Variants in ZNF474 observed in about 807,000 individuals in gnomAD.
ZNF474 encodes zinc finger protein 474, also known as 4933409D10Rik.
For synonymous variants in ZNF474, 192 were observed against 162.2 expected, an observed-to-expected ratio of 1.18 and a Z score of -1.39; for missense variants, 511 against 433.8, an observed-to-expected ratio of 1.18 and a Z score of -1.58.
intron 1 of ZNF474, among the ~76,000 whole-genome samples, chr5:122,136,344 G>A (rs1374995847): frequency 6.6e-6 from 1 of 152,170 alleles, no homozygotes; most frequent in Non-Finnish European, 1.5e-5. Flanking sequence ...AATTTTGAAA[G>A]TCATTAGCAC....
intron 1 of ZNF474, among the ~76,000 whole-genome samples, chr5:122,135,358 T>C (rs1214139099): frequency 6.6e-6 from 1 of 152,118 alleles, no homozygotes; most frequent in East Asian, 1.9e-4. Flanking sequence ...TCTATATACA[T>C]ATATCAAAAG....
chr5:122,138,797 T>C (rs1014965946), intron 1 of ZNF474, among the ~76,000 whole-genome samples: 1 of 152,178 alleles, frequency 6.6e-6, no homozygotes, highest in African/African-American at 2.4e-5. Context: ...TGTGTGTGTA[T>C]GTGTATGTGT....
chr5:122,140,946 C>T (rs903781601), intron 1 of ZNF474, among the ~76,000 whole-genome samples: 1 of 152,026 alleles, frequency 6.6e-6, no homozygotes, highest in East Asian at 1.9e-4. Flanking sequence ...ACAGCAATAC[C>T]CATGAGCTAC....
At chr5:122,142,514 C>A (rs141956964) in intron 1 of ZNF474, among the ~76,000 whole-genome samples, 1 of 152,228 alleles carries the variant, frequency 6.6e-6, no homozygotes, top group East Asian at 1.9e-4. Flanking sequence ...GAACCATCAC[C>A]ACATTGCATG....
chr5:122,152,617 G>C lies in ZNF474; in HGVS notation c.627G>C (p.Lys209Asn), dbSNP rs886870281. Residue 209 changes from lysine to asparagine, a missense_variant, in exon 2 of 2, where the codon AAG becomes AAC. Coordinates refer to ENST00000296600, the MANE Select transcript of ZNF474 (RefSeq NM_207317.3). ...GTTCTGATCATCTTACTGGCCTCAA[G>C]AAAGCTTGTAGTGGAACCCCAGCCC... ...SNSSDHLTGL[K>N]KACSGTPARP... The C allele has an allele frequency of 9.3e-6, 15 of 1,614,078 alleles. No homozygotes were observed. The highest frequency in any genetic ancestry group is 1.6e-4 in the Middle Eastern group (1 of 6,084).
chr5:122,149,398 C>A (rs1756102394), intron 1 of ZNF474, among the ~76,000 whole-genome samples: 1 of 152,216 alleles, frequency 6.6e-6, no homozygotes, highest in Non-Finnish European at 1.5e-5. Context: ...TCCTCTGTGC[C>A]TTGTCTGCAC....
intron 1 of ZNF474, among the ~76,000 whole-genome samples, chr5:122,145,315 A>T (rs1344645749): frequency 1.3e-5 from 2 of 152,150 alleles, no homozygotes; most frequent in South Asian, 4.1e-4. Context: ...TATTTCTTAA[A>T]CCATACTGCC....
At chr5:122,151,364 G>A (rs540573056) in intron 1 of ZNF474, among the ~76,000 whole-genome samples, 2 of 152,272 alleles carry the variant, frequency 1.3e-5, no homozygotes, top group Admixed American at 6.5e-5. Flanking sequence ...GGAAGTTTCT[G>A]TGGGGCCCAG....
intron 1 of ZNF474, among the ~76,000 whole-genome samples, chr5:122,149,117 G>C (rs903218699): frequency 6.6e-6 from 1 of 152,048 alleles, no homozygotes; most frequent in Non-Finnish European, 1.5e-5. Flanking sequence ...AAGTACACGT[G>C]GGCATAAAGA....
At chr5:122,131,491 A>G (rs1185362971) in intron 1 of ZNF474, among the ~76,000 whole-genome samples, 1 of 152,136 alleles carries the variant, frequency 6.6e-6, no homozygotes, top group East Asian at 1.9e-4. Flanking sequence ...AAAGAAGAAA[A>G]TACTGCTATT....
At chr5:122,142,788 G>A (rs1218205879) in intron 1 of ZNF474, among the ~76,000 whole-genome samples, 3 of 152,284 alleles carry the variant, frequency 2.0e-5, no homozygotes, top group South Asian at 2.1e-4. Flanking sequence ...GAGATGTGGG[G>A]AGAACAGCAA....
At position 122,153,129 on chromosome 5, in the gene ZNF474, C is replaced by G. The variant is rs1756243902; in HGVS notation, c.*44C>G. On this transcript the variant is annotated 3_prime_UTR_variant, in exon 2 of 2. Transcript: ENST00000296600. ...TCCCCAGAATCAGCCACCTCAGCCC[C>G]TAGTATTTTTTCTATCAATGCCTTG... The G allele has an allele frequency of 3.2e-6, 5 of 1,552,372 alleles. No individual in the cohort carries two copies. The highest frequency in any genetic ancestry group is 4.0e-5 in the Admixed American group (2 of 49,826).
chr5:122,149,731 A>C (rs1756113443), intron 1 of ZNF474, among the ~76,000 whole-genome samples: 1 of 152,210 alleles, frequency 6.6e-6, no homozygotes, highest in Non-Finnish European at 1.5e-5. Flanking sequence ...ATTAACTAAA[A>C]TTATGTTTAC....
chr5:122,134,143 G>A (rs948464208), intron 1 of ZNF474, among the ~76,000 whole-genome samples: 3 of 152,142 alleles, frequency 2.0e-5, no homozygotes, highest in African/African-American at 7.2e-5. Flanking sequence ...CAAACACGAA[G>A]AAACAATTTC....
intron 1 of ZNF474, chr5:122,147,915 T>G (rs1756032673): frequency 6.6e-6 from 1 of 152,202 alleles, no homozygotes; most frequent in Non-Finnish European, 1.5e-5. Flanking sequence ...AGGTGATGCC[T>G]TCCAGGACAT....
At chr5:122,134,374 T>C (rs981642797) in intron 1 of ZNF474, among the ~76,000 whole-genome samples, 4 of 152,216 alleles carry the variant, frequency 2.6e-5, no homozygotes, top group Admixed American at 1.3e-4. Flanking sequence ...AGGATTCTGG[T>C]TGCATTGAGT....
Position 122,152,317 on chromosome 5 carries a change from T to G in ZNF474, c.327T>G (p.Ile109Met). Residue 109 changes from isoleucine (I) to methionine (M), a missense_variant, in exon 2 of 2, where the codon ATT becomes ATG. Coordinates refer to ENST00000296600, the MANE Select transcript of ZNF474 (RefSeq NM_207317.3). The stretch of plus-strand genomic sequence containing the variant: ...GCCGAGAATTTGGGTCCCAGTCAAT[T>G]GCCATTCATGAACCCCAGTGCTTGC... Reference protein sequence around the residue: ...ICGREFGSQSIAIHEPQCLQK... With the variant: ...ICGREFGSQSMAIHEPQCLQK... 2 of 1,614,188 alleles carry G rather than the reference T, an allele frequency of 1.2e-6. No individual in the cohort carries two copies. Among genetic ancestry groups the G allele is most frequent in the Non-Finnish European group, 1.7e-6 (2 of 1,180,032 alleles).
chr5:122,150,943 G>T (rs1044351785), intron 1 of ZNF474, among the ~76,000 whole-genome samples: 1 of 152,132 alleles, frequency 6.6e-6, no homozygotes, highest in Non-Finnish European at 1.5e-5. Flanking sequence ...CACCAGGATG[G>T]GTGCCGGCCT....
chr5:122,142,302 A>T (rs1755865274), intron 1 of ZNF474, among the ~76,000 whole-genome samples: 1 of 152,240 alleles, frequency 6.6e-6, no homozygotes, highest in Non-Finnish European at 1.5e-5. Flanking sequence ...CACAAAGTTG[A>T]TTTTAAATTA....
Sources: gnomAD v4.1 joint callset for allele counts (sites outside exome capture counted in the v4.1 genomes callset) on GRCh38, gnomAD v4.1.1 for gene constraint, MANE v1.5 for transcripts, NCBI Gene and HGNC (gene_info 2026-07-23, HGNC 2026-07-21) for gene names.